NGEF: variants seen among roughly 807,000 people sequenced by gnomAD.
The protein encoded by NGEF is neuronal guanine nucleotide exchange factor, also known as ephexin-1.
NGEF carries 31 observed loss-of-function variants against 80.9 expected under a neutral mutation model. That is an observed-to-expected ratio of 0.38 (90% confidence interval 0.29 to 0.52). The LOEUF (loss-of-function observed/expected upper bound fraction) is 0.52, where lower values mean the gene tolerates loss of function less well. NGEF is among the 20% of genes least tolerant of loss of function. The pLI is 0.84. For missense variants in NGEF, 709 were observed against 926.2 expected, an observed-to-expected ratio of 0.77 and a Z score of 3.04; for synonymous variants, 371 against 370.2, an observed-to-expected ratio of 1.00 and a Z score of -0.03.
At chr2:232,897,078 G>T (rs1692119530) in intron 5 of NGEF, among the ~76,000 whole-genome samples, 1 of 138,222 alleles carries the variant, frequency 7.2e-6, no homozygotes, top group African/African-American at 2.8e-5. Context: ...GTGGGGTGAG[G>T]GGTGAGGGTT....
At chr2:233,002,557 G>T (rs909437214) in intron 1 of NGEF, among the ~76,000 whole-genome samples, 1 of 152,076 alleles carries the variant, frequency 6.6e-6, no homozygotes, top group African/African-American at 2.4e-5. Flanking sequence ...CACGCTTGTA[G>T]TCCCAGCTAC....
chr2:232,882,017 G>A (rs944196411), intron 13 of NGEF, among the ~76,000 whole-genome samples, 169 bp downstream of exon 13: 4 of 152,194 alleles, frequency 2.6e-5, no homozygotes, highest in African/African-American at 9.6e-5. Context: ...CCAGGTTATT[G>A]GCCGGTACTA....
intron 1 of NGEF, among the ~76,000 whole-genome samples, chr2:232,990,350 C>A (rs1403182025): frequency 6.6e-6 from 1 of 151,970 alleles, no homozygotes. Context: ...AAAGGAACAA[C>A]TTGAGAGATG....
intron 3 of NGEF, among the ~76,000 whole-genome samples, chr2:232,951,153 G>A (rs1415029455): frequency 2.0e-5 from 3 of 152,102 alleles, no homozygotes; most frequent in East Asian, 1.9e-4. Context: ...GGCACTCACC[G>A]GAACAACAGC....
At chr2:232,906,371 A>G (rs1387511826) in intron 5 of NGEF, among the ~76,000 whole-genome samples, 1 of 129,086 alleles carries the variant, frequency 7.7e-6, no homozygotes, top group East Asian at 2.6e-4. Flanking sequence ...CCGCCCGGCC[A>G]GCCGCCCCGT....
At chr2:232,987,496 T>A (rs1694556941) in intron 1 of NGEF, among the ~76,000 whole-genome samples, 1 of 152,070 alleles carries the variant, frequency 6.6e-6, no homozygotes, top group South Asian at 2.1e-4. Context: ...CTGGGGGTGC[T>A]GTAGCCCATG....
chr2:232,953,144 A>C lies in NGEF; in HGVS notation c.383+17070T>G, dbSNP rs528137586. ...TGGTGAAACCCTGTCTCTACTAAAA[A>C]TACAAAAATTAGCCAGGTGTGGTGG... On this transcript the variant is annotated intron_variant, in intron 3 of 14. Transcript: ENST00000264051. Among the ~76,000 whole-genome samples the C allele has an allele frequency of 2.7e-4, 41 of 151,878 alleles. 1 individual carries two copies. The East Asian group carries it at 7.3e-3, about 27-fold the overall frequency.
intron 5 of NGEF, among the ~76,000 whole-genome samples, chr2:232,908,441 G>A (rs1310110353): frequency 1.3e-5 from 2 of 152,066 alleles, no homozygotes; most frequent in African/African-American, 2.4e-5. Flanking sequence ...ATATTTAAAA[G>A]TCTCTTGTCA....
intron 3 of NGEF, among the ~76,000 whole-genome samples, chr2:232,956,887 G>T (rs1487564587): frequency 6.8e-6 from 1 of 146,576 alleles, no homozygotes; most frequent in Non-Finnish European, 1.5e-5. Flanking sequence ...TGGCTAAAAA[G>T]AAATAGGAAA....
intron 4 of NGEF, among the ~76,000 whole-genome samples, chr2:232,921,771 G>T (rs2106277843): frequency 6.6e-6 from 1 of 152,236 alleles, no homozygotes; most frequent in East Asian, 1.9e-4. Flanking sequence ...GAACCCCTGT[G>T]CCTGGTCCTG....
chr2:232,991,607 G>T (rs1027694853), intron 1 of NGEF, among the ~76,000 whole-genome samples: 1 of 152,120 alleles, frequency 6.6e-6, no homozygotes, highest in Non-Finnish European at 1.5e-5. Flanking sequence ...ACCTAAATAA[G>T]TAGAAAGATA....
chr2:232,996,993 T>C (rs1694866173), intron 1 of NGEF, among the ~76,000 whole-genome samples: 1 of 152,198 alleles, frequency 6.6e-6, no homozygotes, highest in African/African-American at 2.4e-5. Context: ...GACCTCTGAC[T>C]TCTAACAGTT....
intron 3 of NGEF, among the ~76,000 whole-genome samples, chr2:232,953,301 C>CA (rs57652494): frequency 0.29 from 26,494 of 91,178 alleles, 4,098 homozygotes; most frequent in Non-Finnish European, 0.33. Context: ...GACTCTGTGT[C>CA]AAAAAAAAAA....
In NGEF at chr2:232,885,074, C is replaced by T. The variant is rs189785891; in HGVS notation, c.1437+206G>A. On this transcript the variant is annotated intron_variant, in intron 10 of 14. Transcript: ENST00000264051. ...CCCCGCACTCCCGTCTCCCAGGAGA[C>T]AGATCCGGACCACCGTGGTGGTGTC... 1.0e-5 allele frequency: 6 copies of T among 577,642 alleles called. 1 individual carries two copies. In the Admixed American group the frequency reaches 1.5e-4, roughly 15 times the overall value. 35.8% of individuals were successfully genotyped at this position (577,642 alleles called of 1,614,324 possible).
chr2:232,887,622 G>A lies in NGEF; in HGVS notation c.1347+411C>T, dbSNP rs1006492510. 2.0e-5 allele frequency among the ~76,000 whole-genome samples: 3 copies of A among 152,206 alleles called. No individual in the cohort carries two copies. In the South Asian group the frequency reaches 6.2e-4, roughly 31 times the overall value. Reference sequence around the variant, plus strand: ...AGACTGTTTCTGACATGGAAAAACAGGCAAAGACAAGCCTGGGGTCTGTGT... The same window carrying A: ...AGACTGTTTCTGACATGGAAAAACAAGCAAAGACAAGCCTGGGGTCTGTGT... On this transcript the variant is annotated intron_variant, in intron 9 of 14. Transcript: ENST00000264051.
chr2:232,994,685 T>TC (rs1278725076), intron 1 of NGEF, among the ~76,000 whole-genome samples: 2 of 152,072 alleles, frequency 1.3e-5, no homozygotes, highest in African/African-American at 4.8e-5. Context: ...GCATGTGGGT[T>TC]CCCCTTGGGG....
At chr2:232,986,093 G>A (rs558121366) in intron 1 of NGEF, among the ~76,000 whole-genome samples, 21 of 152,184 alleles carry the variant, frequency 1.4e-4, no homozygotes, top group Middle Eastern at 3.4e-3. Flanking sequence ...ACATACAAAT[G>A]GAAAACAGAT....
intron 5 of NGEF, among the ~76,000 whole-genome samples, chr2:232,901,832 C>CT (rs1323530910): frequency 1.3e-5 from 2 of 152,232 alleles, no homozygotes; most frequent in Non-Finnish European, 2.9e-5. Context: ...TTCCGGGACT[C>CT]CCTTAGAGGC....
intron 8 of NGEF, among the ~76,000 whole-genome samples, chr2:232,888,694 T>C (rs1047493971): frequency 6.6e-5 from 10 of 152,210 alleles, no homozygotes; most frequent in African/African-American, 2.4e-4. Context: ...CAAGGGGAGC[T>C]AAATGCTTAC....
Sources: gnomAD v4.1 joint callset for allele counts (sites outside exome capture counted in the v4.1 genomes callset) on GRCh38, gnomAD v4.1.1 for gene constraint, MANE v1.5 for transcripts, NCBI Gene and HGNC (gene_info 2026-07-23, HGNC 2026-07-21) for gene names.